The following BMPR1B variants were observed in gnomAD, a reference collection of about 807,000 sequenced individuals.
BMPR1B encodes bone morphogenetic protein receptor type-1B.
A neutral mutation model predicts 59.1 loss-of-function variants in BMPR1B; 12 were observed. That is an observed-to-expected ratio of 0.20 (90% CI 0.13 to 0.33). The LOEUF (loss-of-function observed/expected upper bound fraction) is 0.33, where lower values mean the gene tolerates loss of function less well. BMPR1B is among the 10% of genes least tolerant of loss of function. The pLI is 1.00. For synonymous variants in BMPR1B, 237 were observed against 207.3 expected (o/e 1.14, Z -1.23); for missense variants, 550 against 610.9 (o/e 0.90, Z 1.05).
Position 94,814,195 on chromosome 4 carries a change from T to C in BMPR1B, c.-183+56127T>C, listed in dbSNP as rs1723926830. Among the ~76,000 whole-genome samples, 3 of 152,364 alleles carry C rather than the reference T, an allele frequency of 2.0e-5. No individual in the cohort carries two copies. In the South Asian group the frequency reaches 6.2e-4, roughly 32 times the overall value. ...GAAAAAAGAATTGTTTTCATAAAAA[T>C]GTGTTTCTCTATGACCACTTTGTTT... On this transcript the variant is annotated intron_variant, in intron 1 of 12. Coordinates refer to ENST00000515059, the MANE Select transcript of BMPR1B (RefSeq NM_001203.3).
At position 95,152,233 on chromosome 4, in the gene BMPR1B, T is replaced by G. The variant is rs1022982541; in HGVS notation, c.1253-410T>G. Among the ~76,000 whole-genome samples the G allele has an allele frequency of 4.3e-4, 66 of 152,296 alleles. 1 individual carries two copies. The highest frequency in any genetic ancestry group is 1.5e-3 in the African/African-American group (64 of 41,578). On this transcript the variant is annotated intron_variant, in intron 11 of 12. Coordinates refer to ENST00000515059, the MANE Select transcript of BMPR1B (RefSeq NM_001203.3). Reference sequence around the variant, plus strand: ...AAGTAGGATACACTTCTGAATTTATTATGATATTCATAGTTTCATACTATA... The same window carrying G: ...AAGTAGGATACACTTCTGAATTTATGATGATATTCATAGTTTCATACTATA...
chr4:94,865,326 C>G (rs1726173454), intron 1 of BMPR1B, among the ~76,000 whole-genome samples: 1 of 150,612 alleles, frequency 6.6e-6, no homozygotes, highest in African/African-American at 2.5e-5. Flanking sequence ...TAAATGTATA[C>G]TTTAATCTAT....
chr4:94,992,954 G>A lies in BMPR1B; in HGVS notation c.-112-3086G>A, dbSNP rs532708654. 1.1e-4 allele frequency among the ~76,000 whole-genome samples: 16 copies of A among 152,226 alleles called. No homozygotes were observed. In the South Asian group the frequency reaches 1.9e-3, roughly 18 times the overall value. On this transcript the variant is annotated intron_variant, in intron 2 of 12. Coordinates refer to ENST00000515059, the MANE Select transcript of BMPR1B (RefSeq NM_001203.3). ...CTGGAGTCCAGGGGCACAGTCAATA[G>A]CTCACTGTAGCCTCGAATCCCTGAG...
chr4:94,969,000 T>C (rs1414365042), intron 2 of BMPR1B, among the ~76,000 whole-genome samples: 1 of 152,066 alleles, frequency 6.6e-6, no homozygotes, highest in Non-Finnish European at 1.5e-5. Flanking sequence ...AGAAGTTAGA[T>C]AGGCATAGTT....
chr4:95,004,589 A>G (rs1722689565), intron 3 of BMPR1B, among the ~76,000 whole-genome samples: 1 of 152,180 alleles, frequency 6.6e-6, no homozygotes, highest in Non-Finnish European at 1.5e-5. Context: ...TTATGGTTTT[A>G]TATATTCCTC....
intron 12 of BMPR1B, among the ~76,000 whole-genome samples, chr4:95,153,723 A>G (rs554717024): frequency 7.9e-5 from 12 of 152,144 alleles, no homozygotes; most frequent in Admixed American, 3.9e-4. Flanking sequence ...GTTGGTGCAC[A>G]CCTGTATTCC....
intron 1 of BMPR1B, among the ~76,000 whole-genome samples, chr4:94,815,024 C>T (rs1318004411): frequency 1.3e-5 from 2 of 152,094 alleles, no homozygotes; most frequent in Non-Finnish European, 2.9e-5. Context: ...CTACCTCAGG[C>T]TTCTGAGTAG....
chr4:94,840,202 CTTCAT>C (rs1725000636), intron 1 of BMPR1B, among the ~76,000 whole-genome samples: 1 of 147,624 alleles, frequency 6.8e-6, no homozygotes, highest in Admixed American at 6.7e-5. Flanking sequence ...ACATTTTTTC[CTTCAT>C]TTCAACTTTG....
chr4:95,154,404 GCTTAC>G lies in BMPR1B; in HGVS notation c.1384-143_1384-139del. Reference sequence around the variant, plus strand: ...TCATATATAATTTTGCATGAAAAAAGCTTACAGAATTTTACTTCTACATGGTTTTA... The same window carrying G: ...TCATATATAATTTTGCATGAAAAAAGAGAATTTTACTTCTACATGGTTTTA... On this transcript the variant is annotated intron_variant, in intron 12 of 12. Transcript: ENST00000515059. The G allele has an allele frequency of 2.6e-6, 3 of 1,135,396 alleles. No homozygotes were observed. In the South Asian group the frequency reaches 4.5e-5, roughly 17 times the overall value. The allele number at this position is 1,135,396 out of a possible 1,614,324, so 70.3% of individuals were successfully genotyped here.
chr4:94,925,103 G>A (rs1055537225), intron 2 of BMPR1B, among the ~76,000 whole-genome samples: 3 of 152,008 alleles, frequency 2.0e-5, no homozygotes, highest in African/African-American at 7.2e-5. Context: ...ACTTATGTCT[G>A]TGAAATCAGA....
intron 11 of BMPR1B, among the ~76,000 whole-genome samples, chr4:95,150,953 G>T (rs1294794936): frequency 1.3e-5 from 2 of 152,140 alleles, no homozygotes; most frequent in African/African-American, 2.4e-5. Context: ...TCCACAACTG[G>T]GATAGAGGAA....
chr4:95,054,343 T>C (rs1353234255), intron 3 of BMPR1B, among the ~76,000 whole-genome samples: 14 of 152,186 alleles, frequency 9.2e-5, no homozygotes, highest in Non-Finnish European at 2.9e-5. Context: ...GCCTAGCTAT[T>C]ACCTTAAATG....
At chr4:94,775,719 A>T (rs1298698099) in intron 1 of BMPR1B, among the ~76,000 whole-genome samples, 7 of 152,238 alleles carry the variant, frequency 4.6e-5, no homozygotes, top group Non-Finnish European at 1.0e-4. Flanking sequence ...AAGTTTTATT[A>T]AACTGTGTAA....
intron 1 of BMPR1B, among the ~76,000 whole-genome samples, chr4:94,779,558 C>T (rs1053237200): frequency 3.3e-5 from 5 of 152,040 alleles, no homozygotes; most frequent in East Asian, 1.9e-4. Flanking sequence ...TGGACGGGTG[C>T]GGTGGCTCAT....
chr4:95,026,162 C>CTTTCTTTCTTTCTT (rs1181592252), intron 3 of BMPR1B, among the ~76,000 whole-genome samples: 2 of 137,954 alleles, frequency 1.4e-5, no homozygotes, highest in South Asian at 2.3e-4. Flanking sequence ...TTCTTTCTTT[C>CTTTCTTTCTTTCTT]TCTTTTTCTC....
intron 2 of BMPR1B, among the ~76,000 whole-genome samples, chr4:94,905,704 C>G (rs1488203102): frequency 1.3e-5 from 2 of 151,962 alleles, no homozygotes; most frequent in Non-Finnish European, 2.9e-5. Flanking sequence ...CAGGACGTCT[C>G]ACACAGGATG....
At chr4:95,083,037 CAAAAAAAA>C (rs1171888403) in intron 3 of BMPR1B, among the ~76,000 whole-genome samples, 4 of 60,642 alleles carry the variant, frequency 6.6e-5, no homozygotes, top group South Asian at 1.0e-3. Context: ...TACTCTGTCT[CAAAAAAAA>C]AAAAAAAAAA....
intron 1 of BMPR1B, among the ~76,000 whole-genome samples, chr4:94,760,953 A>G (rs1046414011): frequency 6.6e-6 from 1 of 152,210 alleles, no homozygotes; most frequent in Admixed American, 6.5e-5. Flanking sequence ...GCATGTCATC[A>G]CACACATTAA....
rs201590052 is a variant in BMPR1B, at chr4:95,030,105, A to G, written c.-18+33971A>G. ...GATGGTAGTTTCTTTTGCTGTGCAGAAGCTCTTTAGTTTAATGAGATCCCA... is the reference window on the plus strand; with the variant it reads ...GATGGTAGTTTCTTTTGCTGTGCAGGAGCTCTTTAGTTTAATGAGATCCCA... On this transcript the variant is annotated intron_variant, in intron 3 of 12. Transcript: ENST00000515059. Among the ~76,000 whole-genome samples the G allele has an allele frequency of 1.2e-4, 18 of 151,662 alleles. No individual in the cohort carries two copies. In the East Asian group the frequency reaches 2.9e-3, roughly 24 times the overall value.
Sources: gnomAD v4.1 joint callset for allele counts (sites outside exome capture counted in the v4.1 genomes callset) on GRCh38, gnomAD v4.1.1 for gene constraint, MANE v1.5 for transcripts, NCBI Gene and HGNC (gene_info 2026-07-23, HGNC 2026-07-21) for gene names.